CSGALNACT1: variants seen among roughly 807,000 people sequenced by gnomAD.
CSGALNACT1 encodes the protein beta4GalNAcT-1.
In CSGALNACT1, 52 loss-of-function variants were observed where a neutral mutation model predicts 51.0. The ratio of observed to expected loss-of-function variants is 1.02; its 90% confidence interval spans 0.82 to 1.29. CSGALNACT1 has a LOEUF of 1.29. CSGALNACT1 is among the 50% of genes most tolerant of loss of function. The probability of loss-of-function intolerance (pLI) is 0.00; values close to 1 mark genes in which losing one functional copy is unlikely to be tolerated. For synonymous variants in CSGALNACT1, 341 were observed against 254.4 expected (o/e 1.34, Z -3.24); for missense variants, 935 against 679.2 (o/e 1.38, Z -4.19).
intron 4 of CSGALNACT1, among the ~76,000 whole-genome samples, chr8:19,487,085 A>G (rs2073129711): frequency 6.6e-6 from 1 of 152,178 alleles, no homozygotes; most frequent in East Asian, 1.9e-4. Context: ...GCTTTTATAT[A>G]ATGCTTCCCT....
chr8:19,578,453 T>C, intron 3 of CSGALNACT1, among the ~76,000 whole-genome samples: 1 of 152,170 alleles, frequency 6.6e-6, no homozygotes. Context: ...GCGTGTGGAG[T>C]GAATCATCCT....
intron 1 of CSGALNACT1, among the ~76,000 whole-genome samples, chr8:19,751,430 G>A (rs1000114910): frequency 6.6e-6 from 1 of 152,138 alleles, no homozygotes; most frequent in African/African-American, 2.4e-5. Context: ...TGACAGAAGC[G>A]AAACAAGAAA....
At chr8:19,563,724 A>G (rs1393422717) in intron 3 of CSGALNACT1, among the ~76,000 whole-genome samples, 1 of 152,108 alleles carries the variant, frequency 6.6e-6, no homozygotes, top group African/African-American at 2.4e-5. Context: ...TCCACCCTTC[A>G]AAGTCAGCGG....
At chr8:19,617,859 T>C (rs1336816860) in intron 1 of CSGALNACT1, among the ~76,000 whole-genome samples, 1 of 152,208 alleles carries the variant, frequency 6.6e-6, no homozygotes, top group Non-Finnish European at 1.5e-5. Context: ...AGGAACTTAA[T>C]AAAAGTCATT....
chr8:19,406,005 G>T (rs2054083346), exon 10 of CSGALNACT1: 2 of 1,614,080 alleles, frequency 1.2e-6, no homozygotes, highest in Non-Finnish European at 1.7e-6. Flanking sequence ...GGTTGCTGTG[G>T]AGATACTTGC....
intron 3 of CSGALNACT1, among the ~76,000 whole-genome samples, chr8:19,585,667 C>G (rs894013148): frequency 2.6e-5 from 4 of 152,206 alleles, no homozygotes; most frequent in African/African-American, 9.6e-5. Flanking sequence ...CCTGGCTTCT[C>G]ACAGCATGGT....
chr8:19,636,824 T>A (rs1025214844), intron 1 of CSGALNACT1, among the ~76,000 whole-genome samples: 4 of 152,152 alleles, frequency 2.6e-5, no homozygotes, highest in Admixed American at 6.6e-5. Context: ...CTTTCACAGG[T>A]CAATCAAAAT....
chr8:19,503,448 T>G (rs536764471), intron 4 of CSGALNACT1, among the ~76,000 whole-genome samples: 1 of 152,196 alleles, frequency 6.6e-6, no homozygotes, highest in South Asian at 2.1e-4. Context: ...TGAATGCAGA[T>G]TGAACATCAC....
At chr8:19,670,568 T>C (rs1216342618) in intron 1 of CSGALNACT1, among the ~76,000 whole-genome samples, 1 of 136,136 alleles carries the variant, frequency 7.3e-6, no homozygotes, top group Admixed American at 8.7e-5. Flanking sequence ...ATTTATTTTA[T>C]ACACAGGAAA....
intron 4 of CSGALNACT1, among the ~76,000 whole-genome samples, chr8:19,467,375 C>A (rs937166331): frequency 6.6e-6 from 1 of 152,022 alleles, no homozygotes; most frequent in Non-Finnish European, 1.5e-5. Context: ...CCTACCTCGG[C>A]CCCCCAAAGT....
rs1479769582 is a variant in CSGALNACT1, at chr8:19,439,798, G to C, written c.953+32C>G. The C allele has an allele frequency of 7.2e-6, 11 of 1,537,898 alleles. No individual in the cohort carries two copies. The South Asian group carries it at 1.2e-4, about 17-fold the overall frequency. On this transcript the variant is annotated intron_variant, in intron 6 of 9. Transcript: ENST00000454498. ...GTGTGCTTCTGAGCTCAGTTACCAG[G>C]ATTCCTTATGACAGCTCCGTATTGT...
intron 4 of CSGALNACT1, among the ~76,000 whole-genome samples, chr8:19,475,101 T>G (rs899184037): frequency 1.3e-5 from 2 of 152,080 alleles, no homozygotes; most frequent in Admixed American, 1.3e-4. Flanking sequence ...CAGGGGAGTC[T>G]CTAAGTTAAG....
At chr8:19,756,877 C>G (rs1219712506) in intron 1 of CSGALNACT1, among the ~76,000 whole-genome samples, 1 of 152,086 alleles carries the variant, frequency 6.6e-6, no homozygotes, top group South Asian at 2.1e-4. Context: ...CCAAACCGAC[C>G]CCGGGAGCGC....
chr8:19,547,799 A>G (rs73214611), intron 3 of CSGALNACT1, among the ~76,000 whole-genome samples: 25,660 of 152,214 alleles, frequency 0.17, 2,247 homozygotes, highest in African/African-American at 0.19. Context: ...TGTACAATAA[A>G]TTCCTTACTA....
intron 1 of CSGALNACT1, among the ~76,000 whole-genome samples, chr8:19,631,114 T>G (rs190342372): frequency 6.6e-5 from 10 of 152,340 alleles, no homozygotes; most frequent in African/African-American, 2.4e-4. Flanking sequence ...TGAAGGACAT[T>G]TTGGTTACTT....
At chr8:19,514,392 T>A (rs1344777554) in intron 3 of CSGALNACT1, among the ~76,000 whole-genome samples, 7 of 147,922 alleles carry the variant, frequency 4.7e-5, no homozygotes, top group African/African-American at 1.8e-4. Flanking sequence ...TCCTCTTTCC[T>A]CAATACTCAA....
At chr8:19,627,665 T>A (rs1043439534) in intron 1 of CSGALNACT1, among the ~76,000 whole-genome samples, 2 of 151,852 alleles carry the variant, frequency 1.3e-5, no homozygotes, top group Non-Finnish European at 2.9e-5. Context: ...TCGAAAAACG[T>A]AATAAAAAAA....
chr8:19,493,144 A>T (rs1340485480), intron 4 of CSGALNACT1, among the ~76,000 whole-genome samples: 1 of 152,012 alleles, frequency 6.6e-6, no homozygotes, highest in Non-Finnish European at 1.5e-5. Flanking sequence ...AGCCCAAAAT[A>T]CTAAATTAAA....
chr8:19,646,339 T>G (rs575277361), intron 1 of CSGALNACT1, among the ~76,000 whole-genome samples: 1 of 152,208 alleles, frequency 6.6e-6, no homozygotes. Context: ...TGTGTGATTT[T>G]GCTGATCACT....
Sources: gnomAD v4.1 joint callset for allele counts (sites outside exome capture counted in the v4.1 genomes callset) on GRCh38, gnomAD v4.1.1 for gene constraint, MANE v1.5 for transcripts, NCBI Gene and HGNC (gene_info 2026-07-23, HGNC 2026-07-21) for gene names.